The following CSMD1 variants were observed in gnomAD, a reference collection of about 807,000 sequenced individuals.
The protein encoded by CSMD1 is CUB and sushi domain-containing protein 1.
A neutral mutation model predicts 417.5 loss-of-function variants in CSMD1; 213 were observed. The ratio of observed to expected loss-of-function variants is 0.51; its 90% CI spans 0.46 to 0.57. CSMD1 has a LOEUF of 0.57. Ranked by LOEUF, CSMD1 falls within the 20% of genes least tolerant of loss-of-function variation. CSMD1 has a pLI of 0.00. For missense variants in CSMD1, 6,923 were observed against 4,529.7 expected, an observed-to-expected ratio of 1.53 and a Z score of -15.17; for synonymous variants, 2,862 against 1,736.8, an observed-to-expected ratio of 1.65 and a Z score of -16.11.
At chr8:3,554,763 A>C (rs1799069836) in intron 10 of CSMD1, among the ~76,000 whole-genome samples, 1 of 152,082 alleles carries the variant, frequency 6.6e-6, no homozygotes. Context: ...AGAGCGGGGG[A>C]GGGAGTAAAT....
intron 1 of CSMD1, among the ~76,000 whole-genome samples, chr8:4,735,236 G>C (rs1392273831): frequency 1.3e-5 from 2 of 152,102 alleles, no homozygotes; most frequent in Non-Finnish European, 2.9e-5. Context: ...GAGGATACTT[G>C]AGTCATCTCA....
intron 4 of CSMD1, 34 bp downstream of exon 4, chr8:4,031,871 G>A (rs1023195162): frequency 3.9e-6 from 6 of 1,543,586 alleles, no homozygotes; most frequent in Admixed American, 1.8e-5. Context: ...CCCTGCCCTG[G>A]AGTCTGCTCA....
intron 3 of CSMD1, among the ~76,000 whole-genome samples, chr8:4,062,413 A>G (rs945794041): frequency 3.3e-5 from 5 of 152,112 alleles, no homozygotes; most frequent in African/African-American, 9.7e-5. Flanking sequence ...TCGGTTGTAC[A>G]TACGTATTCT....
chr8:3,958,948 G>C (rs1203003743), intron 5 of CSMD1, among the ~76,000 whole-genome samples: 1 of 152,126 alleles, frequency 6.6e-6, no homozygotes, highest in African/African-American at 2.4e-5. Flanking sequence ...TTTGAGCCCT[G>C]ACCTTGGCTT....
At chr8:3,031,323 G>A (rs1240947722) in intron 50 of CSMD1, among the ~76,000 whole-genome samples, 4 of 118,302 alleles carry the variant, frequency 3.4e-5, no homozygotes, top group African/African-American at 1.2e-4. Context: ...GTGGGGTGGG[G>A]GGAGGGTGGA....
At chr8:3,078,552 C>A (rs376878621) in intron 49 of CSMD1, among the ~76,000 whole-genome samples, 1 of 152,314 alleles carries the variant, frequency 6.6e-6, no homozygotes, top group East Asian at 1.9e-4. Context: ...GGTTGGCAGA[C>A]TATGGCCTGT....
At chr8:3,582,614 T>C (rs565484013) in intron 9 of CSMD1, among the ~76,000 whole-genome samples, 13 of 152,338 alleles carry the variant, frequency 8.5e-5, no homozygotes, top group African/African-American at 2.2e-4. Flanking sequence ...ACGTGGCTAC[T>C]GAGCACCTGA....
intron 3 of CSMD1, among the ~76,000 whole-genome samples, chr8:4,348,256 A>C (rs913476795): frequency 6.6e-6 from 1 of 152,068 alleles, no homozygotes; most frequent in Non-Finnish European, 1.5e-5. Context: ...CTATCTCTTC[A>C]TGTCTAAGGG....
intron 37 of CSMD1, among the ~76,000 whole-genome samples, chr8:3,174,457 T>G (rs1820783420): frequency 6.6e-6 from 1 of 152,182 alleles, no homozygotes; most frequent in Non-Finnish European, 1.5e-5. Context: ...ATCATGCCAC[T>G]GCACTCCAGC....
chr8:2,984,786 G>T (rs190951670), intron 54 of CSMD1, among the ~76,000 whole-genome samples: 107 of 152,354 alleles, frequency 7.0e-4, no homozygotes, highest in Non-Finnish European at 1.4e-3. Context: ...AAAGCACATG[G>T]GTTTGGAGGT....
intron 3 of CSMD1, among the ~76,000 whole-genome samples, chr8:4,336,290 T>C (rs1195361229): frequency 6.6e-6 from 1 of 152,130 alleles, no homozygotes; most frequent in African/African-American, 2.4e-5. Context: ...TCAGAAGCTT[T>C]ACTTTTAATG....
At chr8:4,727,695 G>T (rs1302280064) in intron 1 of CSMD1, among the ~76,000 whole-genome samples, 1 of 151,938 alleles carries the variant, frequency 6.6e-6, no homozygotes, top group East Asian at 1.9e-4. Context: ...ACTTGCAAAG[G>T]CAAATTCCTG....
At chr8:4,578,418 A>G (rs1277340198) in intron 2 of CSMD1, among the ~76,000 whole-genome samples, 1 of 137,182 alleles carries the variant, frequency 7.3e-6, no homozygotes, top group Non-Finnish European at 1.5e-5. Flanking sequence ...TGATCTCATG[A>G]TTCGCCCACC....
At chr8:3,331,082 C>G (rs1806861677) in intron 23 of CSMD1, among the ~76,000 whole-genome samples, 1 of 151,840 alleles carries the variant, frequency 6.6e-6, no homozygotes, top group Non-Finnish European at 1.5e-5. Context: ...ACTAAAAATA[C>G]AAAAAATTAG....
intron 1 of CSMD1, among the ~76,000 whole-genome samples, chr8:4,649,957 T>C (rs1300290975): frequency 6.6e-6 from 1 of 152,164 alleles, no homozygotes; most frequent in African/African-American, 2.4e-5. Context: ...AGAGTGTCGT[T>C]CACACAGATG....
intron 3 of CSMD1, among the ~76,000 whole-genome samples, chr8:4,142,435 C>A (rs117996621): frequency 6.6e-6 from 1 of 150,768 alleles, no homozygotes. Flanking sequence ...CATAACAGAA[C>A]TAGTTTCCCT....
chr8:4,752,604 A>C (rs1195020322), intron 1 of CSMD1, among the ~76,000 whole-genome samples: 3 of 152,198 alleles, frequency 2.0e-5, no homozygotes, highest in Non-Finnish European at 4.4e-5. Flanking sequence ...AAATTCTAGA[A>C]AAATGTAGGG....
chr8:4,764,885 A>AAAAAAAAAAAAACAAAACAAAAC lies in CSMD1; in HGVS notation c.86-127328_86-127327insGTTTTGTTTTGTTTTTTTTTTTT, dbSNP rs1812348603. Among the ~76,000 whole-genome samples the AAAAAAAAAAAAACAAAACAAAAC allele has an allele frequency of 2.5e-4, 19 of 74,790 alleles. 1 individual carries two copies. Among genetic ancestry groups the AAAAAAAAAAAAACAAAACAAAAC allele is most frequent in the South Asian group, 9.4e-4 (2 of 2,120 alleles). 49.1% of individuals were successfully genotyped at this position (74,790 alleles called of 152,430 possible). A position where few individuals can be genotyped will look rare whatever the true frequency, so the allele number is the denominator to read the frequency against. ...GAGACTCCATCTCAAAAAAAAAAAA[A>AAAAAAAAAAAAACAAAACAAAAC]AAAAAAAAACAACAACAACAAAAAA... On this transcript the variant is annotated intron_variant, in intron 1 of 69. Transcript: ENST00000635120.
At chr8:3,294,553 T>C (rs1303256484) in intron 25 of CSMD1, among the ~76,000 whole-genome samples, 1 of 113,556 alleles carries the variant, frequency 8.8e-6, no homozygotes, top group Non-Finnish European at 2.3e-5. Context: ...CGCTGCAGCC[T>C]TGCAGTTTGA....
Sources: allele counts gnomAD v4.1 joint callset (sites outside exome capture counted in the v4.1 genomes callset), GRCh38; gene constraint gnomAD v4.1.1; transcripts MANE v1.5; gene names NCBI Gene and HGNC (gene_info 2026-07-23, HGNC 2026-07-21).